The following TRAPPC3 variants were observed in gnomAD, a reference collection of about 807,000 sequenced individuals.
TRAPPC3 encodes trafficking protein particle complex 3.
TRAPPC3 carries 5 observed loss-of-function variants against 18.2 expected under a neutral mutation model. That is an observed-to-expected ratio of 0.28 (90% CI 0.14 to 0.58). The LOEUF (loss-of-function observed/expected upper bound fraction) is 0.58. Among genes scored for constraint, TRAPPC3 ranks in the 20% least tolerant of loss-of-function variants. The probability of loss-of-function intolerance (pLI) is 0.91; values close to 1 mark genes in which losing one functional copy is unlikely to be tolerated. For synonymous variants in TRAPPC3, 65 were observed against 84.2 expected (o/e 0.77, Z 1.25); for missense variants, 176 against 225.9 (o/e 0.78, Z 1.41).
intron 1 of TRAPPC3, among the ~76,000 whole-genome samples, chr1:36,146,705 G>A (rs1177248559): frequency 6.6e-6 from 1 of 151,944 alleles, no homozygotes; most frequent in African/African-American, 2.4e-5. Context: ...GGTGCAGGCG[G>A]TACTACACCT....
At chr1:36,152,362 C>T (rs921786475), upstream of TRAPPC3, among the ~76,000 whole-genome samples, 1 of 147,658 alleles carries the variant, frequency 6.8e-6, no homozygotes, top group African/African-American at 2.5e-5. Flanking sequence ...GGCTGGAGTG[C>T]AGTGGTGTGA....
upstream of TRAPPC3, among the ~76,000 whole-genome samples, chr1:36,150,142 T>C (rs893574617): frequency 2.0e-5 from 3 of 152,126 alleles, no homozygotes; most frequent in African/African-American, 7.2e-5. Context: ...AAAACAAAGA[T>C]CACTAACTGT....
In TRAPPC3 at chr1:36,137,196, G is replaced by A; in HGVS notation, c.*7C>T. On this transcript the variant is annotated 3_prime_UTR_variant, in exon 5 of 5. Coordinates refer to ENST00000373166, the MANE Select transcript of TRAPPC3 (RefSeq NM_014408.5). ...TCCTGATGGCTATCCTCGAGTTGTAGGGATGGTTATTCCTCTCCAGCTGGA... is the reference window on the plus strand; with the variant it reads ...TCCTGATGGCTATCCTCGAGTTGTAAGGATGGTTATTCCTCTCCAGCTGGA... 6.2e-7 allele frequency: 1 copy of A among 1,604,334 alleles called. No homozygotes were observed.
intron 1 of TRAPPC3, 66 bp from the exon 2 acceptor site, chr1:36,140,232 G>T: frequency 2.0e-6 from 2 of 984,156 alleles, no homozygotes; most frequent in South Asian, 3.9e-5. Flanking sequence ...TGAGAGTCTG[G>T]ACCAGCCTTG....
Position 36,149,092 on chromosome 1 carries a change from C to T in TRAPPC3, c.42+245G>A, listed in dbSNP as rs1316181741. On this transcript the variant is annotated intron_variant, in intron 1 of 4. Transcript: ENST00000373166. ...AGTGGCAGTTATTGGTATTTATTAC[C>T]GTCGTTGTTGTTGGCTTAGCACAGA... 2.1e-6 allele frequency: 3 copies of T among 1,405,204 alleles called. No individual in the cohort carries two copies. In the East Asian group the frequency reaches 7.9e-5, roughly 37 times the overall value. 87.0% of individuals were successfully genotyped at this position (1,405,204 alleles called of 1,614,324 possible).
At chr1:36,155,627 G>A (rs999440858) in intron 1 of TRAPPC3, 3 of 152,872 alleles carry the variant, frequency 2.0e-5, no homozygotes, top group Admixed American at 1.3e-4. Flanking sequence ...TCCCAGACCT[G>A]TCCCCAGCCC....
chr1:36,151,252 G>C (rs573239629), upstream of TRAPPC3, among the ~76,000 whole-genome samples: 9 of 152,244 alleles, frequency 5.9e-5, no homozygotes, highest in South Asian at 1.9e-3. Flanking sequence ...GCCGAGCACA[G>C]TGGCTCATGC....
At chr1:36,138,894 G>A (rs1644064085) in intron 3 of TRAPPC3, among the ~76,000 whole-genome samples, 1 of 151,468 alleles carries the variant, frequency 6.6e-6, no homozygotes, top group African/African-American at 2.4e-5. Context: ...AAATTAGCCG[G>A]GCATGGTGGT....
In TRAPPC3 at chr1:36,137,817, C is replaced by G. The variant is rs1200250871; in HGVS notation, c.402G>C (p.Val134=). 2 of 1,614,070 alleles carry G rather than the reference C, an allele frequency of 1.2e-6. No individual in the cohort carries two copies. The highest frequency in any genetic ancestry group is 4.5e-5 in the East Asian group (2 of 44,884). Residue 134 remains valine, a synonymous_variant, in exon 4 of 5, where the codon GTG becomes GTC. Coordinates refer to ENST00000373166, the MANE Select transcript of TRAPPC3 (RefSeq NM_014408.5). ...SLIYSNLLCG[V]LRGALEMVQM... is the part of the protein sequence containing the mutation. ...TCACCATCTCCAAAGCTCCCCGCAA[C>G]ACCCCACACAAGAGATTGGAATAAA...
At chr1:36,137,429 G>T in intron 4 of TRAPPC3, 107 bp from the exon 5 acceptor site, 1 of 1,211,172 alleles carries the variant, frequency 8.3e-7, no homozygotes, top group Non-Finnish European at 1.2e-6. Context: ...AAAAAGGGGG[G>T]CTGGTTTCCC....
At position 36,149,462 on chromosome 1, in the gene TRAPPC3, T is replaced by G. The variant is rs1250129797; in HGVS notation, c.-84A>C. 8 of 1,554,230 alleles carry G rather than the reference T, an allele frequency of 5.1e-6. No individual in the cohort carries two copies. The highest frequency in any genetic ancestry group is 5.2e-6 in the Non-Finnish European group (6 of 1,144,084). On this transcript the variant is annotated 5_prime_UTR_variant, in exon 1 of 5. Transcript: ENST00000373166. ...ACGCCGGAGCCTAAGCCGCTGCCCC[T>G]CAGCCCACAAGACCGACCGGCACTG...
At chr1:36,149,298 A>C in intron 1 of TRAPPC3, 39 bp downstream of exon 1, 2 of 1,612,074 alleles carry the variant, frequency 1.2e-6, no homozygotes, top group Middle Eastern at 1.7e-4. Flanking sequence ...GTACGCCTCA[A>C]TTTCGCCCCG....
intron 3 of TRAPPC3, among the ~76,000 whole-genome samples, chr1:36,138,723 C>A (rs1192048522): frequency 6.6e-6 from 1 of 152,078 alleles, no homozygotes; most frequent in Non-Finnish European, 1.5e-5. Context: ...CTCTTATTTT[C>A]TTCATGTTAA....
chr1:36,144,062 C>G (rs182747683), intron 1 of TRAPPC3, among the ~76,000 whole-genome samples: 1 of 150,766 alleles, frequency 6.6e-6, no homozygotes, highest in Non-Finnish European at 1.5e-5. Flanking sequence ...CCGAGGCGGG[C>G]GGATCACCTG....
upstream of TRAPPC3, chr1:36,149,622 T>A: frequency 1.7e-6 from 1 of 588,140 alleles, no homozygotes; most frequent in Non-Finnish European, 3.0e-6. Context: ...CTTAACACAG[T>A]CAACTACAAC....
At position 36,137,856 on chromosome 1, in the gene TRAPPC3, G is replaced by A. The variant is rs1644048638; in HGVS notation, c.363C>T (p.Asn121=). 2.5e-6 allele frequency: 4 copies of A among 1,614,058 alleles called. No individual in the cohort carries two copies. The highest frequency in any genetic ancestry group is 2.7e-5 in the African/African-American group (2 of 74,904). Residue 121 remains asparagine, a synonymous_variant, in exon 4 of 5, where the codon AAC becomes AAT. Transcript: ENST00000373166. The stretch of plus-strand genomic sequence containing the variant: ...GATTGGAATAAATAAGGGATGAGTG[G>A]TTATCAGGAAGTTCCACAAAGTCCA... ...PLVDFVELPD[N]HSSLIYSNLL...
intron 1 of TRAPPC3, 47 bp from the exon 2 acceptor site, chr1:36,140,213 A>G (rs1264660930): frequency 7.7e-7 from 1 of 1,293,208 alleles, no homozygotes; most frequent in Non-Finnish European, 1.1e-6. Flanking sequence ...CACAAAAGAG[A>G]AAGCGTGGTG....
At chr1:36,145,899 G>A (rs572347293) in intron 1 of TRAPPC3, among the ~76,000 whole-genome samples, 85 of 151,792 alleles carry the variant, frequency 5.6e-4, no homozygotes, top group African/African-American at 1.8e-3. Context: ...TCAGCCTCCC[G>A]AGTAGCTGGG....
At position 36,137,827 on chromosome 1, in the gene TRAPPC3, A is replaced by G; in HGVS notation, c.392T>C (p.Leu131Ser). The G allele has an allele frequency of 1.2e-6, 2 of 1,614,178 alleles. No individual in the cohort carries two copies. The highest frequency in any genetic ancestry group is 1.7e-6 in the Non-Finnish European group (2 of 1,180,018). ...NHSSLIYSNL[L>S]CGVLRGALEM... ...CAAAGCTCCCCGCAACACCCCACAC[A>G]AGAGATTGGAATAAATAAGGGATGA... The change falls in exon 4 of 5, where the codon TTG (leucine) becomes TCG (serine). Residue 131 changes from leucine (L) to serine (S), a missense_variant. Leu to Ser is a moderately radical substitution (Grantham distance 145, BLOSUM62 -2). Coordinates refer to ENST00000373166, the MANE Select transcript of TRAPPC3 (RefSeq NM_014408.5).
Sources: gnomAD v4.1 joint callset for allele counts (sites outside exome capture counted in the v4.1 genomes callset) on GRCh38, gnomAD v4.1.1 for gene constraint, MANE v1.5 for transcripts, NCBI Gene and HGNC (gene_info 2026-07-23, HGNC 2026-07-21) for gene names.